Variants in SHISAL2A observed in about 807,000 individuals in gnomAD.
SHISAL2A encodes shisa like 2A.
A neutral mutation model predicts 11.5 loss-of-function variants in SHISAL2A; 18 were observed. The ratio of observed to expected loss-of-function variants is 1.57; its 90% CI spans 1.08 to 2.33. SHISAL2A has a LOEUF of 2.33. SHISAL2A is among the 30% of genes most tolerant of loss of function. The pLI is 0.00. For synonymous variants in SHISAL2A, 94 were observed against 99.6 expected (o/e 0.94, Z 0.34); for missense variants, 261 against 250.9 (o/e 1.04, Z -0.27).
At chr1:52,656,401 A>T (rs1691791328) in intron 2 of SHISAL2A, among the ~76,000 whole-genome samples, 1 of 151,376 alleles carries the variant, frequency 6.6e-6, no homozygotes, top group African/African-American at 2.4e-5. Context: ...AGAAGCATGG[A>T]ATCTATTCTC....
At chr1:52,666,803 G>T (rs1293704347) in intron 4 of SHISAL2A, among the ~76,000 whole-genome samples, 1 of 152,202 alleles carries the variant, frequency 6.6e-6, no homozygotes, top group African/African-American at 2.4e-5. Context: ...AGACCACAAA[G>T]CTAGATGAGA....
downstream of SHISAL2A, among the ~76,000 whole-genome samples, chr1:52,660,390 T>G (rs931942262): frequency 8.5e-5 from 13 of 152,168 alleles, no homozygotes; most frequent in Non-Finnish European, 1.8e-4. Flanking sequence ...TTGGCTAGTC[T>G]GGGTCCTGCA....
intron 1 of SHISAL2A, among the ~76,000 whole-genome samples, chr1:52,639,494 C>G (rs1691310888): frequency 6.6e-6 from 1 of 152,156 alleles, no homozygotes; most frequent in Non-Finnish European, 1.5e-5. Context: ...TAGCTTACGC[C>G]TGTAATCCCA....
chr1:52,666,031 G>A (rs1417633112), intron 4 of SHISAL2A, among the ~76,000 whole-genome samples: 2 of 152,206 alleles, frequency 1.3e-5, no homozygotes, highest in Non-Finnish European at 2.9e-5. Flanking sequence ...TTGAGCTAAT[G>A]CCTTCCTCTC....
At chr1:52,648,996 T>C (rs1160644240) in intron 2 of SHISAL2A, among the ~76,000 whole-genome samples, 1 of 152,218 alleles carries the variant, frequency 6.6e-6, no homozygotes, top group Non-Finnish European at 1.5e-5. Flanking sequence ...GATTTTTGTT[T>C]CTTATTTTTA....
intron 4 of SHISAL2A, among the ~76,000 whole-genome samples, chr1:52,662,833 C>T (rs1691934481): frequency 6.6e-6 from 1 of 152,176 alleles, no homozygotes; most frequent in South Asian, 2.1e-4. Context: ...AGGGAATTCT[C>T]AGGCTACTGG....
intron 2 of SHISAL2A, among the ~76,000 whole-genome samples, chr1:52,646,112 GTAA>G (rs1167755189): frequency 1.3e-5 from 2 of 152,186 alleles, no homozygotes; most frequent in Non-Finnish European, 2.9e-5. Flanking sequence ...GGCAATGTAT[GTAA>G]ACATTTTTGG....
intron 2 of SHISAL2A, among the ~76,000 whole-genome samples, chr1:52,654,450 A>T (rs1441026446): frequency 6.6e-6 from 1 of 152,180 alleles, no homozygotes; most frequent in African/African-American, 2.4e-5. Context: ...TGGAGGAGGG[A>T]CAGACACATG....
chr1:52,639,205 C>G lies in SHISAL2A; in HGVS notation c.183-3658C>G, dbSNP rs562980928. Among the ~76,000 whole-genome samples the G allele has an allele frequency of 3.3e-5, 5 of 151,952 alleles. 1 individual carries two copies. Among genetic ancestry groups the G allele is most frequent in the South Asian group, 2.1e-4 (1 of 4,794 alleles). On this transcript the variant is annotated intron_variant, in intron 1 of 2. Transcript: ENST00000517870. ...AAAAAAAAAAAGAAGGAAACTTTGGCTAGAGTATCAGAATATTCCACAATG... is the reference window on the plus strand; with the variant it reads ...AAAAAAAAAAAGAAGGAAACTTTGGGTAGAGTATCAGAATATTCCACAATG...
At chr1:52,657,127 GATAAATGA>G (rs1425545490), downstream of SHISAL2A, 22 of 1,465,248 alleles carry the variant, frequency 1.5e-5, no homozygotes, top group Non-Finnish European at 1.9e-5. Flanking sequence ...AGCCTAGCAT[GATAAATGA>G]GGGCTTCTCC....
At chr1:52,637,892 C>T (rs566443009) in intron 1 of SHISAL2A, among the ~76,000 whole-genome samples, 12 of 152,126 alleles carry the variant, frequency 7.9e-5, no homozygotes, top group Non-Finnish European at 1.3e-4. Context: ...CTCGAAGACT[C>T]GAGGCTCTCT....
At position 52,633,568 on chromosome 1, in the gene SHISAL2A, G is replaced by A. The variant is rs944733438; in HGVS notation, c.75G>A (p.Gly25=). ...GCGGCTTCAGCTGCCCGCGGCCGGG[G>A]GGCGAGGCGGCCGCTGTCTTCTGCT... ...VVRGFSCPRP[G]GEAAAVFCCG... Residue 25 remains glycine (G), a synonymous_variant, in exon 1 of 3, where the codon GGG becomes GGA. Transcript: ENST00000517870. The surrounding 1 kb of genome is among the most constrained non-coding windows in gnomAD (Gnocchi z 6.4). The A allele has an allele frequency of 8.1e-6, 13 of 1,611,066 alleles. No homozygotes were observed. The Admixed American group carries it at 1.8e-4, about 23-fold the overall frequency.
At chr1:52,654,720 A>T (rs1301956804) in intron 2 of SHISAL2A, among the ~76,000 whole-genome samples, 1 of 152,214 alleles carries the variant, frequency 6.6e-6, no homozygotes, top group Non-Finnish European at 1.5e-5. Flanking sequence ...TCTTCATGAC[A>T]TGCGGTTATG....
intron 2 of SHISAL2A, among the ~76,000 whole-genome samples, chr1:52,652,161 GA>G (rs1397237757): frequency 1.3e-5 from 2 of 152,162 alleles, no homozygotes; most frequent in Non-Finnish European, 2.9e-5. Context: ...AAGAGCTGGG[GA>G]TAGTTGGCCT....
intron 2 of SHISAL2A, among the ~76,000 whole-genome samples, chr1:52,656,489 T>A (rs968509562): frequency 2.0e-5 from 3 of 152,248 alleles, no homozygotes; most frequent in Non-Finnish European, 4.4e-5. Context: ...TGTGTTCTCA[T>A]CTATAAAATG....
At chr1:52,637,537 C>T (rs1691264026) in intron 1 of SHISAL2A, among the ~76,000 whole-genome samples, 1 of 152,200 alleles carries the variant, frequency 6.6e-6, no homozygotes, top group Admixed American at 6.5e-5. Context: ...TGCTGTCACA[C>T]CGTCTGGTCC....
At chr1:52,635,890 C>G (rs1691227232) in intron 1 of SHISAL2A, among the ~76,000 whole-genome samples, 1 of 152,236 alleles carries the variant, frequency 6.6e-6, no homozygotes, top group African/African-American at 2.4e-5. Context: ...AAGTTAGACA[C>G]AAGATGGAGT....
exon 6 of SHISAL2A, chr1:52,669,025 G>A (rs1322291748): frequency 6.6e-6 from 1 of 152,218 alleles, no homozygotes. Flanking sequence ...CGAGTCCTGA[G>A]CCTGCAAGGT....
intron 4 of SHISAL2A, among the ~76,000 whole-genome samples, chr1:52,662,551 G>T (rs538074521): frequency 6.7e-6 from 1 of 148,498 alleles, no homozygotes; most frequent in African/African-American, 2.5e-5. Flanking sequence ...GGGTTTTACC[G>T]TGTTGGCCAG....
Sources: gnomAD v4.1 joint callset for allele counts (sites outside exome capture counted in the v4.1 genomes callset) on GRCh38, gnomAD v4.1.1 for gene constraint, Gnocchi (gnomAD v3.1) non-coding constraint, MANE v1.5 for transcripts, NCBI Gene and HGNC (gene_info 2026-07-23, HGNC 2026-07-21) for gene names.